RC3H1: variants seen among roughly 807,000 people sequenced by gnomAD.
RC3H1 encodes ring finger and CCCH-type domains 1.
A neutral mutation model predicts 138.2 loss-of-function variants in RC3H1; 50 were observed. The ratio of observed to expected loss-of-function variants is 0.36; its 90% CI spans 0.29 to 0.46. The LOEUF (loss-of-function observed/expected upper bound fraction) is 0.46, where lower values mean the gene tolerates loss of function less well. Among genes scored for constraint, RC3H1 ranks in the 20% least tolerant of loss-of-function variants. RC3H1 has a pLI of 1.00. For synonymous variants in RC3H1, 462 were observed against 489.1 expected, an observed-to-expected ratio of 0.94 and a Z score of 0.73; for missense variants, 1,031 against 1,388.1, an observed-to-expected ratio of 0.74 and a Z score of 4.09.
chr1:173,964,800 A>G (rs1248458553), intron 10 of RC3H1, 39 bp downstream of exon 10: 4 of 1,545,120 alleles, frequency 2.6e-6, no homozygotes, highest in East Asian at 2.3e-5. Flanking sequence ...GACTTTATGA[A>G]GAAGAAATTT....
chr1:173,972,455 G>A lies in RC3H1; in HGVS notation c.1221+54C>T, dbSNP rs921099620. On this transcript the variant is annotated intron_variant, in intron 8 of 19. Transcript: ENST00000367696. The stretch of plus-strand genomic sequence containing the variant: ...GTATACCCACAGTGGTTTACCTATA[G>A]TTTTAAGGCATATCCACAGTGGGTT... 46 of 1,257,164 alleles carry A rather than the reference G, an allele frequency of 3.7e-5. 1 individual carries two copies. The highest frequency in any genetic ancestry group is 3.4e-4 in the Admixed American group (20 of 59,152). 77.9% of individuals were successfully genotyped at this position (1,257,164 alleles called of 1,614,324 possible).
At chr1:174,003,662 AT>A (rs1296950005) in intron 1 of RC3H1, among the ~76,000 whole-genome samples, 5,231 of 142,978 alleles carry the variant, frequency 0.037, 81 homozygotes, top group Non-Finnish European at 0.043. Context: ...AAATCAGAGA[AT>A]TTTTTTTTTT....
chr1:174,005,288 G>GC (rs1661633121), intron 1 of RC3H1, among the ~76,000 whole-genome samples: 1 of 152,186 alleles, frequency 6.6e-6, no homozygotes, highest in Non-Finnish European at 1.5e-5. Context: ...TACACAAGTG[G>GC]CCTCAGGGGA....
intron 7 of RC3H1, 28 bp downstream of exon 7, chr1:173,978,460 A>T (rs372670561): frequency 2.1e-5 from 34 of 1,611,940 alleles, no homozygotes; most frequent in Admixed American, 1.0e-4. Flanking sequence ...CACATATAAG[A>T]TAGTCCATTA....
intron 15 of RC3H1, among the ~76,000 whole-genome samples, 154 bp downstream of exon 15, chr1:173,947,212 GTTA>G (rs1419408025): frequency 3.9e-5 from 6 of 152,072 alleles, no homozygotes; most frequent in Non-Finnish European, 8.8e-5. Context: ...AATTCTCTGG[GTTA>G]TATTACCTTT....
Position 173,992,743 on chromosome 1 carries a change from C to T in RC3H1, c.231+12G>A. 6.3e-7 allele frequency: 1 copy of T among 1,593,026 alleles called. No homozygotes were observed. The highest frequency in any genetic ancestry group is 8.6e-7 in the Non-Finnish European group (1 of 1,161,836). ...AGGGAGAAATTTAAAAGTATTAAGT[C>T]ACCCATCCTACCTGAGCACCCACGA... On this transcript the variant is annotated intron_variant, in intron 2 of 19. Transcript: ENST00000367696.
chr1:174,015,984 T>A (rs1441107728), intron 1 of RC3H1: 2 of 152,120 alleles, frequency 1.3e-5, no homozygotes, highest in African/African-American at 4.8e-5. Flanking sequence ...GTAGATCACC[T>A]GAGATCAGGA....
At chr1:174,020,325 C>A (rs528972476) in intron 1 of RC3H1, among the ~76,000 whole-genome samples, 5 of 152,294 alleles carry the variant, frequency 3.3e-5, no homozygotes, top group South Asian at 4.1e-4. Context: ...ATTCACTATA[C>A]TTCAAATCCT....
At chr1:173,959,786 T>G (rs1447425248) in intron 13 of RC3H1, among the ~76,000 whole-genome samples, 1 of 149,658 alleles carries the variant, frequency 6.7e-6, no homozygotes, top group East Asian at 2.0e-4. Context: ...AAGAAAGCTG[T>G]CACTTCTCAT....
chr1:173,990,576 T>C (rs1243140402), intron 2 of RC3H1, among the ~76,000 whole-genome samples: 5 of 142,828 alleles, frequency 3.5e-5, no homozygotes, highest in Admixed American at 3.5e-4. Flanking sequence ...TTATTATTAT[T>C]TATTTTTTTT....
rs866406514 is a variant in RC3H1, at chr1:173,964,784, T to A, written c.1616+55A>T. ...ATCCCAAACATTAATTATTCTATCT[T>A]CCTTCGACTTTATGAAGAAGAAATT... On this transcript the variant is annotated intron_variant, in intron 10 of 19. Transcript: ENST00000367696. The A allele has an allele frequency of 2.9e-5, 42 of 1,448,276 alleles. No homozygotes were observed. In the Middle Eastern group the frequency reaches 2.1e-3, roughly 72 times the overall value. The allele number at this position is 1,448,276 out of a possible 1,614,324, so 89.7% of individuals were successfully genotyped here. A position where few individuals can be genotyped will look rare whatever the true frequency, so the allele number is the denominator to read the frequency against.
At chr1:173,953,699 A>G (rs1168330494) in intron 13 of RC3H1, among the ~76,000 whole-genome samples, 1 of 152,240 alleles carries the variant, frequency 6.6e-6, no homozygotes, top group Non-Finnish European at 1.5e-5. Context: ...AACAAAGGCA[A>G]GACAGACATA....
chr1:173,957,464 C>T (rs1191933198), intron 13 of RC3H1, among the ~76,000 whole-genome samples: 1 of 152,094 alleles, frequency 6.6e-6, no homozygotes, highest in East Asian at 1.9e-4. Context: ...TATTGTTTTC[C>T]ATATTTCTTA....
chr1:174,020,701 T>A (rs925773157), intron 1 of RC3H1, among the ~76,000 whole-genome samples: 2 of 152,156 alleles, frequency 1.3e-5, no homozygotes, highest in African/African-American at 4.8e-5. Context: ...GAAAATGTGG[T>A]AGAAGCCTTG....
At chr1:174,014,515 C>T (rs1160791801) in intron 1 of RC3H1, among the ~76,000 whole-genome samples, 1 of 152,088 alleles carries the variant, frequency 6.6e-6, no homozygotes, top group Non-Finnish European at 1.5e-5. Context: ...GACTACCACT[C>T]CCAAAAGTAC....
chr1:173,938,418 C>T lies in RC3H1; in HGVS notation c.*303G>A. On this transcript the variant is annotated 3_prime_UTR_variant, in exon 20 of 20. Transcript: ENST00000367696. ...TATATAATATCTTTTTTTTTTAAAG[C>T]CCTGGATCCAAGGCGTCCAAAGTTA... is the stretch of plus-strand genomic sequence containing the variant. 1 of 195,822 alleles carries T rather than the reference C, an allele frequency of 5.1e-6. No individual in the cohort carries two copies. The highest frequency in any genetic ancestry group is 1.0e-5 in the Non-Finnish European group (1 of 97,562). The allele number at this position is 195,822 out of a possible 1,614,324, so 12.1% of individuals were successfully genotyped here. A position where few individuals can be genotyped will look rare whatever the true frequency, so the allele number is the denominator to read the frequency against.
At chr1:173,950,499 G>A (rs540641368) in intron 14 of RC3H1, among the ~76,000 whole-genome samples, 29 of 151,728 alleles carry the variant, frequency 1.9e-4, no homozygotes, top group African/African-American at 7.0e-4. Flanking sequence ...TGAGGTGGGA[G>A]GATCACTTGA....
At chr1:173,966,127 G>A (rs777224997) in intron 9 of RC3H1, among the ~76,000 whole-genome samples, 3 of 152,108 alleles carry the variant, frequency 2.0e-5, no homozygotes, top group Non-Finnish European at 2.9e-5. Context: ...GCAACACAGT[G>A]AGACCCTGTT....
At chr1:174,019,422 T>C (rs1661918660) in intron 1 of RC3H1, among the ~76,000 whole-genome samples, 1 of 152,220 alleles carries the variant, frequency 6.6e-6, no homozygotes, top group Non-Finnish European at 1.5e-5. Context: ...TAAGCTCTTT[T>C]ACCTATTAAT....
Sources: gnomAD v4.1 joint callset for allele counts (sites outside exome capture counted in the v4.1 genomes callset) on GRCh38, gnomAD v4.1.1 for gene constraint, MANE v1.5 for transcripts, NCBI Gene and HGNC (gene_info 2026-07-23, HGNC 2026-07-21) for gene names.